Variants in LRP6 observed in about 807,000 individuals in gnomAD.
LRP6 encodes low-density lipoprotein receptor-related protein 6.
LRP6 carries 43 observed loss-of-function variants against 184.1 expected under a neutral mutation model. The observed-to-expected ratio is 0.23, with a 90% confidence interval of 0.18 to 0.30. The LOEUF is 0.30. Among genes scored for constraint, LRP6 ranks in the 10% least tolerant of loss-of-function variants. The probability of loss-of-function intolerance (pLI) is 1.00; values close to 1 mark genes in which losing one functional copy is unlikely to be tolerated. For synonymous variants in LRP6, 719 were observed against 684.9 expected, an observed-to-expected ratio of 1.05 and a Z score of -0.78; for missense variants, 1,571 against 2,005.3, an observed-to-expected ratio of 0.78 and a Z score of 4.14.
At chr12:12,149,287 C>G (rs755777553) in intron 13 of LRP6, 134 bp from the exon 14 acceptor site, 133 of 741,744 alleles carry the variant, frequency 1.8e-4, no homozygotes, top group Non-Finnish European at 3.1e-4. Context: ...GTATTTCTTA[C>G]TGATACCTTT....
chr12:12,255,743 A>G (rs1242042294), intron 1 of LRP6, among the ~76,000 whole-genome samples: 1 of 150,486 alleles, frequency 6.6e-6, no homozygotes, highest in Non-Finnish European at 1.5e-5. Flanking sequence ...ATTTTTTTGG[A>G]TTTTTTTTGT....
chr12:12,131,925 G>A lies in LRP6; in HGVS notation c.3866C>T (p.Ser1289Leu). The stretch of plus-strand genomic sequence containing the variant: ...ACTGGCACACTGGAACTGGGACTCT[G>A]AGCATACAGGACAATTGAGTTCATC... ...HSDELNCPVC[S>L]ESQFQCASGQ... Residue 1289 changes from serine (S) to leucine (L), a missense_variant, in exon 18 of 23, where the codon TCA becomes TTA. By Grantham distance (145) the Ser-to-Leu change is moderately radical. Around this residue, in one of 4 missense-constraint regions of LRP6, gnomAD observed 763 missense variants for 859.5 expected, o/e 0.89. Transcript: ENST00000261349. 1.2e-6 allele frequency: 2 copies of A among 1,614,184 alleles called. No individual in the cohort carries two copies. Among genetic ancestry groups the A allele is most frequent in the South Asian group, 1.1e-5 (1 of 91,076 alleles).
At chr12:12,186,860 G>T in intron 4 of LRP6, 63 bp downstream of exon 4, 2 of 1,395,788 alleles carry the variant, frequency 1.4e-6, no homozygotes, top group Non-Finnish European at 2.0e-6. Context: ...CCTCACTAAA[G>T]CCAGACATTA....
chr12:12,244,611 C>T lies in LRP6; in HGVS notation c.100G>A (p.Val34Ile), dbSNP rs865943917. The T allele has an allele frequency of 1.2e-6, 2 of 1,614,160 alleles. No individual in the cohort carries two copies. Among genetic ancestry groups the T allele is most frequent in the Middle Eastern group, 1.6e-4 (1 of 6,062 alleles). ...TTCTCTTTGCCATTTGTAGCATCAA[C>T]CAATCGCAAGTCCCGTCTGTTTGCA... Reference protein sequence around the residue: ...LYANRRDLRLVDATNGKENAT... With the variant: ...LYANRRDLRLIDATNGKENAT... Residue 34 changes from valine (V) to isoleucine (I), a missense_variant, in exon 2 of 23, where the codon GTT becomes ATT. By Grantham distance (29) the Val-to-Ile change is conservative (BLOSUM62 3). Coordinates refer to ENST00000261349, the MANE Select transcript of LRP6 (RefSeq NM_002336.3).
At chr12:12,186,890 C>T (rs772992600) in intron 4 of LRP6, 33 bp downstream of exon 4, 2 of 1,592,238 alleles carry the variant, frequency 1.3e-6, no homozygotes, top group South Asian at 2.2e-5. Context: ...AAAGCTGTTC[C>T]AACTTGCAAT....
At position 12,118,174 on chromosome 12, in the gene LRP6, GA is replaced by G. The variant is rs1378704310; in HGVS notation, c.*2951del. 4 of 152,180 alleles carry G rather than the reference GA, an allele frequency of 2.6e-5. No homozygotes were observed. Among genetic ancestry groups the G allele is most frequent in the Non-Finnish European group, 5.9e-5 (4 of 68,012 alleles). The allele number at this position is 152,180 out of a possible 1,614,324, so 9.4% of individuals were successfully genotyped here. On this transcript the variant is annotated 3_prime_UTR_variant, in exon 23 of 23. Transcript: ENST00000261349. ...AAAGGCATAATAAAATTTCATGGAAGAAAAATTAATAGTCAGAAAATTCTAT... is the reference window on the plus strand; with the variant it reads ...AAAGGCATAATAAAATTTCATGGAAGAAAATTAATAGTCAGAAAATTCTAT...
At chr12:12,193,787 G>T (rs759279636) in intron 3 of LRP6, among the ~76,000 whole-genome samples, 5 of 152,042 alleles carry the variant, frequency 3.3e-5, no homozygotes, top group African/African-American at 1.2e-4. Flanking sequence ...AGGAAAAGTT[G>T]TATCAACTGG....
chr12:12,135,033 G>T, intron 17 of LRP6, 142 bp downstream of exon 17: 1 of 1,177,818 alleles, frequency 8.5e-7, no homozygotes, highest in Non-Finnish European at 1.2e-6. Flanking sequence ...GAAAAGCCTA[G>T]TACAATACAA....
At chr12:12,209,844 G>C (rs1404905609) in intron 2 of LRP6, among the ~76,000 whole-genome samples, 1 of 152,134 alleles carries the variant, frequency 6.6e-6, no homozygotes, top group Admixed American at 6.6e-5. Flanking sequence ...TGTAGACAAG[G>C]AGTGGCAAGT....
At chr12:12,211,882 T>C (rs1864221040) in intron 2 of LRP6, among the ~76,000 whole-genome samples, 1 of 152,012 alleles carries the variant, frequency 6.6e-6, no homozygotes, top group Non-Finnish European at 1.5e-5. Flanking sequence ...TCAAAGAAAA[T>C]GCTAACTCTA....
chr12:12,148,853 A>T, intron 14 of LRP6, 89 bp downstream of exon 14: 1 of 912,504 alleles, frequency 1.1e-6, no homozygotes, highest in Non-Finnish European at 1.8e-6. Flanking sequence ...AGCACAGGAC[A>T]CTTAAAGGTA....
chr12:12,206,490 C>T (rs1446511496), intron 2 of LRP6, among the ~76,000 whole-genome samples: 2 of 145,762 alleles, frequency 1.4e-5, no homozygotes, highest in Non-Finnish European at 3.0e-5. Flanking sequence ...TTGCAGTGAG[C>T]GGAGATAGCG....
intron 10 of LRP6, among the ~76,000 whole-genome samples, chr12:12,161,271 T>A (rs1159579487): frequency 6.6e-6 from 1 of 152,138 alleles, no homozygotes; most frequent in Non-Finnish European, 1.5e-5. Flanking sequence ...ACTGTTTACT[T>A]CTTTTTTTTT....
At chr12:12,217,364 A>T (rs1864375011) in intron 2 of LRP6, among the ~76,000 whole-genome samples, 1 of 152,046 alleles carries the variant, frequency 6.6e-6, no homozygotes, top group Non-Finnish European at 1.5e-5. Context: ...ATCTAGTTGC[A>T]GGAAAAAAAC....
chr12:12,130,326 C>T (rs766630145), intron 19 of LRP6, among the ~76,000 whole-genome samples: 1 of 151,828 alleles, frequency 6.6e-6, no homozygotes, highest in East Asian at 1.9e-4. Context: ...GCTGGGATTA[C>T]AGGCATGCAC....
chr12:12,144,756 C>T (rs1949978991), intron 15 of LRP6, among the ~76,000 whole-genome samples: 1 of 152,082 alleles, frequency 6.6e-6, no homozygotes, highest in African/African-American at 2.4e-5. Context: ...AGTTCATGTC[C>T]TTTGCAGAGA....
chr12:12,126,850 A>C lies in LRP6; in HGVS notation c.4153T>G (p.Phe1385Val), dbSNP rs746994324. 8 of 1,614,154 alleles carry C rather than the reference A, an allele frequency of 5.0e-6. No individual in the cohort carries two copies. In the South Asian group the frequency reaches 8.8e-5, roughly 18 times the overall value. The change falls in exon 20 of 23, where the codon TTT becomes GTT. Residue 1385 changes from phenylalanine (F) to valine (V), a missense_variant. By Grantham distance (50) the Phe-to-Val change is conservative. Transcript: ENST00000261349. ...ATAAAGTATACAGTTCCAGACACAA[A>C]AATGGTGACAATTACGCCAATAACA... ...GSVIGVIVTI[F>V]VSGTVYFICQ...
chr12:12,263,046 G>A (rs1313023000), intron 1 of LRP6, among the ~76,000 whole-genome samples: 2 of 148,986 alleles, frequency 1.3e-5, no homozygotes, highest in Non-Finnish European at 3.0e-5. Flanking sequence ...CTGAGGTCGG[G>A]AGTTCGAGAC....
At position 12,119,990 on chromosome 12, in the gene LRP6, AAT is replaced by A. The variant is rs550587604; in HGVS notation, c.*1134_*1135del. 1,205 of 44,778 alleles carry A rather than the reference AAT, an allele frequency of 0.027. 11 individuals are homozygous for A. Among genetic ancestry groups the A allele is most frequent in the Non-Finnish European group, 0.029 (736 of 25,216 alleles). The allele number at this position is 44,778 out of a possible 1,614,324, so 2.8% of individuals were successfully genotyped here. On this transcript the variant is annotated 3_prime_UTR_variant, in exon 23 of 23. Coordinates refer to ENST00000261349, the MANE Select transcript of LRP6 (RefSeq NM_002336.3). Reference sequence around the variant, plus strand: ...ACTCAGAAAACAAACAAACAAACAAAATATATATATATATATATATATATATA... The same window carrying A: ...ACTCAGAAAACAAACAAACAAACAAAATATATATATATATATATATATATA...
Sources: gnomAD v4.1 joint callset for allele counts (sites outside exome capture counted in the v4.1 genomes callset) on GRCh38, gnomAD v4.1.1 for gene constraint, gnomAD v4.1.1 regional missense constraint, MANE v1.5 for transcripts, NCBI Gene and HGNC (gene_info 2026-07-23, HGNC 2026-07-21) for gene names.